The following INPP5D variants were observed in gnomAD, a reference collection of about 807,000 sequenced individuals.
INPP5D encodes the protein inositol polyphosphate-5-phosphatase D, also known as phosphatidylinositol 3,4,5-trisphosphate 5-phosphatase 1.
Under a neutral mutation model 122.9 loss-of-function variants are expected in INPP5D, and 33 were observed. The ratio of observed to expected loss-of-function variants is 0.27; its 90% CI spans 0.20 to 0.36. The LOEUF (loss-of-function observed/expected upper bound fraction) is 0.36, where lower values mean the gene tolerates loss of function less well. Ranked by LOEUF, INPP5D falls within the 10% of genes least tolerant of loss-of-function variation. The pLI is 1.00. For missense variants in INPP5D, 1,053 were observed against 1,412.7 expected, an observed-to-expected ratio of 0.75 and a Z score of 4.08; for synonymous variants, 584 against 576.2, an observed-to-expected ratio of 1.01 and a Z score of -0.19.
intron 3 of INPP5D, among the ~76,000 whole-genome samples, chr2:233,123,663 T>C (rs1693063817): frequency 6.6e-6 from 1 of 152,298 alleles, no homozygotes; most frequent in East Asian, 1.9e-4. Context: ...CAAAGACACA[T>C]ATGTGTATGT....
chr2:233,088,270 C>T (rs1004348764), intron 2 of INPP5D, among the ~76,000 whole-genome samples: 20 of 152,302 alleles, frequency 1.3e-4, no homozygotes, highest in African/African-American at 4.1e-4. Context: ...CCACCAGCCC[C>T]GCCAAGGTTC....
chr2:233,104,931 A>G (rs752193924), intron 2 of INPP5D, among the ~76,000 whole-genome samples: 1 of 152,168 alleles, frequency 6.6e-6, no homozygotes, highest in Non-Finnish European at 1.5e-5. Context: ...GTTTCAGGTG[A>G]AGTCTCACCT....
intron 2 of INPP5D, among the ~76,000 whole-genome samples, chr2:233,089,672 C>T (rs76591378): frequency 0.027 from 4,096 of 152,310 alleles, 91 homozygotes; most frequent in Non-Finnish European, 0.037. Context: ...TGACTATATT[C>T]CTTGAGGGTC....
intron 9 of INPP5D, among the ~76,000 whole-genome samples, chr2:233,155,986 A>G (rs1350333761): frequency 1.3e-5 from 2 of 152,228 alleles, no homozygotes; most frequent in African/African-American, 4.8e-5. Flanking sequence ...GTGGATGATC[A>G]TATTCCCAGC....
intron 5 of INPP5D, chr2:233,133,975 G>T (rs1240104877): frequency 2.2e-6 from 1 of 456,378 alleles, no homozygotes; most frequent in Non-Finnish European, 4.4e-6. Context: ...AATGGCTGGG[G>T]GCGTGCAGAT....
intron 1 of INPP5D, among the ~76,000 whole-genome samples, chr2:233,073,227 G>A (rs577276912): frequency 5.9e-5 from 9 of 152,292 alleles, no homozygotes; most frequent in East Asian, 5.8e-4. Flanking sequence ...CAGCTCACTC[G>A]CATTTGTTTC....
intron 18 of INPP5D, among the ~76,000 whole-genome samples, chr2:233,178,871 T>G (rs1437771476): frequency 6.6e-6 from 1 of 151,674 alleles, no homozygotes. Flanking sequence ...AGGAGAGGGG[T>G]GGGGGAATGC....
At chr2:233,121,473 T>G (rs1428239287) in intron 2 of INPP5D, among the ~76,000 whole-genome samples, 1 of 150,596 alleles carries the variant, frequency 6.6e-6, no homozygotes, top group Non-Finnish European at 1.5e-5. Context: ...ATTTCTAATT[T>G]TGCCATAATA....
intron 5 of INPP5D, among the ~76,000 whole-genome samples, chr2:233,135,438 C>T (rs1291820931): frequency 1.3e-5 from 2 of 151,874 alleles, no homozygotes; most frequent in East Asian, 3.9e-4. Context: ...TGGGCTTAAG[C>T]CTTGGCTCCC....
At chr2:233,084,243 T>C (rs1691770434) in intron 2 of INPP5D, among the ~76,000 whole-genome samples, 2 of 152,184 alleles carry the variant, frequency 1.3e-5, no homozygotes, top group Non-Finnish European at 1.5e-5. Context: ...TCTGTAGAGA[T>C]AGGGTTTCAC....
chr2:233,179,733 G>C (rs1014636037), intron 18 of INPP5D, among the ~76,000 whole-genome samples: 1 of 152,154 alleles, frequency 6.6e-6, no homozygotes, highest in African/African-American at 2.4e-5. Flanking sequence ...CGTTTAATGA[G>C]TTGGGGTTGA....
At position 233,207,880 on chromosome 2, in the gene INPP5D, A is replaced by G. The variant is rs1297404422; in HGVS notation, c.*1172A>G. 2 of 152,376 alleles carry G rather than the reference A, an allele frequency of 1.3e-5. No homozygotes were observed. Among genetic ancestry groups the G allele is most frequent in the African/African-American group, 4.8e-5 (2 of 41,452 alleles). The allele number at this position is 152,376 out of a possible 1,614,324, so 9.4% of individuals were successfully genotyped here. A position where few individuals can be genotyped will look rare whatever the true frequency, so the allele number is the denominator to read the frequency against. On this transcript the variant is annotated 3_prime_UTR_variant, in exon 27 of 27. Transcript: ENST00000445964. The surrounding 1 kb of genome is among the most constrained non-coding windows in gnomAD (Gnocchi z 4.6). ...TCCCATGATGGAAGTCTGCGTAACCAATAAATTGTGCCTTTCTCACTCAGC... is the reference window on the plus strand; with the variant it reads ...TCCCATGATGGAAGTCTGCGTAACCGATAAATTGTGCCTTTCTCACTCAGC...
At chr2:233,094,341 C>CATGTTGGCA (rs1309213223) in intron 2 of INPP5D, among the ~76,000 whole-genome samples, 1 of 151,226 alleles carries the variant, frequency 6.6e-6, no homozygotes, top group Admixed American at 6.6e-5. Flanking sequence ...GGTGAAACCC[C>CATGTTGGCA]GTCTCTACTA....
chr2:233,195,019 C>A (rs116792876), intron 23 of INPP5D, among the ~76,000 whole-genome samples: 1,826 of 152,286 alleles, frequency 0.012, 42 homozygotes, highest in African/African-American at 0.041. Context: ...TGGTTTGGAA[C>A]TCCTGACCTC....
At chr2:233,125,719 A>C (rs759452679) in intron 3 of INPP5D, 26 bp from the exon 4 acceptor site, 1 of 1,601,312 alleles carries the variant, frequency 6.2e-7, no homozygotes, top group African/African-American at 1.3e-5. Context: ...TGTCCTCACC[A>C]ATGGCCTTCC....
chr2:233,125,594 TCTCC>T, intron 3 of INPP5D, 147 bp from the exon 4 acceptor site: 1 of 691,748 alleles, frequency 1.4e-6, no homozygotes, highest in African/African-American at 1.8e-5. Flanking sequence ...GGCAGGAGGC[TCTCC>T]CTCCAGGAGG....
At chr2:233,088,901 T>C (rs1010291237) in intron 2 of INPP5D, among the ~76,000 whole-genome samples, 1 of 152,186 alleles carries the variant, frequency 6.6e-6, no homozygotes, top group Non-Finnish European at 1.5e-5. Flanking sequence ...AAATCCTGAC[T>C]GCCCGATCGG....
chr2:233,146,708 C>T (rs1022265925), intron 8 of INPP5D, among the ~76,000 whole-genome samples: 5 of 152,156 alleles, frequency 3.3e-5, no homozygotes, highest in East Asian at 1.9e-4. Flanking sequence ...AAACTTTGTC[C>T]TTCTCAAAAT....
At chr2:233,137,165 A>G (rs1222844936) in intron 5 of INPP5D, among the ~76,000 whole-genome samples, 1 of 152,218 alleles carries the variant, frequency 6.6e-6, no homozygotes, top group Non-Finnish European at 1.5e-5. Flanking sequence ...ATATAAATGC[A>G]TATTGTTTCA....
Sources: gnomAD v4.1 joint callset for allele counts (sites outside exome capture counted in the v4.1 genomes callset) on GRCh38, gnomAD v4.1.1 for gene constraint, Gnocchi (gnomAD v3.1) non-coding constraint, MANE v1.5 for transcripts, NCBI Gene and HGNC (gene_info 2026-07-23, HGNC 2026-07-21) for gene names.